Variants in GLRA3 observed in about 807,000 individuals in gnomAD.
The protein encoded by GLRA3 is glycine receptor alpha 3, also known as glycine receptor subunit alpha-3.
A neutral mutation model predicts 60.4 loss-of-function variants in GLRA3; 44 were observed. The observed-to-expected ratio is 0.73, with a 90% CI of 0.57 to 0.94. GLRA3 has a LOEUF of 0.94. GLRA3 is among the 40% of genes least tolerant of loss of function. The probability of loss-of-function intolerance (pLI) is 0.00; values close to 1 mark genes in which losing one functional copy is unlikely to be tolerated. For missense variants in GLRA3, 508 were observed against 564.6 expected (o/e 0.90, Z 1.02); for synonymous variants, 223 against 192.9 (o/e 1.16, Z -1.29).
intron 3 of GLRA3, among the ~76,000 whole-genome samples, chr4:174,759,180 A>C (rs1485649607): frequency 6.6e-6 from 1 of 152,130 alleles, no homozygotes; most frequent in Non-Finnish European, 1.5e-5. Flanking sequence ...GTGTGTAAGT[A>C]CTGACAGGAA....
intron 7 of GLRA3, among the ~76,000 whole-genome samples, chr4:174,674,965 A>G (rs905907847): frequency 1.5e-4 from 23 of 152,158 alleles, no homozygotes; most frequent in Admixed American, 7.9e-4. Context: ...GTCTCATCCA[A>G]TAGATTAATT....
At chr4:174,685,027 A>C (rs1324399342) in intron 5 of GLRA3, among the ~76,000 whole-genome samples, 2 of 151,890 alleles carry the variant, frequency 1.3e-5, no homozygotes, top group African/African-American at 4.8e-5. Context: ...AACAAAACAA[A>C]GCAAAAAAAA....
intron 5 of GLRA3, among the ~76,000 whole-genome samples, chr4:174,711,444 T>C (rs951493601): frequency 1.9e-5 from 2 of 107,194 alleles, no homozygotes; most frequent in African/African-American, 2.9e-5. Flanking sequence ...TATATATATA[T>C]ATTTTTTTTT....
At chr4:174,773,889 T>C (rs1484212906) in intron 2 of GLRA3, among the ~76,000 whole-genome samples, 1 of 152,084 alleles carries the variant, frequency 6.6e-6, no homozygotes, top group Admixed American at 6.6e-5. Flanking sequence ...CGTAGTAACC[T>C]AAGGCAGGAG....
rs146589036 is a variant in GLRA3, at chr4:174,760,898, C to T, written c.267+6065G>A. ...ATGAAAATGAAAAAAACCTTGTCTA[C>T]ATATACAAGCATGGAGTATCTCAAA... On this transcript the variant is annotated intron_variant, in intron 3 of 9. Coordinates refer to ENST00000274093, the MANE Select transcript of GLRA3 (RefSeq NM_006529.4). 5.5e-3 allele frequency among the ~76,000 whole-genome samples: 844 copies of T among 152,202 alleles called. 5 individuals carry two copies. Among genetic ancestry groups the T allele is most frequent in the African/African-American group, 0.018 (767 of 41,526 alleles).
chr4:174,648,829 G>A (rs1387562355), intron 9 of GLRA3, among the ~76,000 whole-genome samples: 1 of 152,110 alleles, frequency 6.6e-6, no homozygotes, highest in Non-Finnish European at 1.5e-5. Flanking sequence ...CTCTCTTTAG[G>A]TGGCTGTTAA....
Position 174,705,939 on chromosome 4 carries a change from G to A in GLRA3, c.574+9549C>T, listed in dbSNP as rs547923433. ...ATAAATTTATAATTTAATGGGATAG[G>A]AAGCAACTGGGGAGAAGAGAGCTAA... On this transcript the variant is annotated intron_variant, in intron 5 of 9. Transcript: ENST00000274093. Among the ~76,000 whole-genome samples the A allele has an allele frequency of 9.2e-5, 14 of 152,200 alleles. No individual in the cohort carries two copies. The South Asian group carries it at 2.9e-3, about 32-fold the overall frequency.
At chr4:174,717,052 A>G (rs1735947673) in intron 4 of GLRA3, among the ~76,000 whole-genome samples, 1 of 150,676 alleles carries the variant, frequency 6.6e-6, no homozygotes, top group Non-Finnish European at 1.5e-5. Context: ...ATATATATAT[A>G]TATATTTTAA....
At chr4:174,755,732 T>C (rs970061814) in intron 3 of GLRA3, among the ~76,000 whole-genome samples, 2 of 151,980 alleles carry the variant, frequency 1.3e-5, no homozygotes, top group Non-Finnish European at 2.9e-5. Flanking sequence ...GATTAAGATA[T>C]AGAGAAAGCA....
intron 9 of GLRA3, among the ~76,000 whole-genome samples, chr4:174,655,197 CTATT>C (rs1733154212): frequency 1.3e-5 from 2 of 152,146 alleles, no homozygotes; most frequent in East Asian, 3.9e-4. Context: ...CATTTTGATT[CTATT>C]TATTTCAAAA....
intron 1 of GLRA3, among the ~76,000 whole-genome samples, chr4:174,819,517 C>T (rs770425370): frequency 6.6e-6 from 1 of 152,152 alleles, no homozygotes; most frequent in Non-Finnish European, 1.5e-5. Context: ...AATTCTATCA[C>T]CTGCTCAAGA....
At chr4:174,754,796 C>T (rs1289641662) in intron 3 of GLRA3, among the ~76,000 whole-genome samples, 1 of 152,022 alleles carries the variant, frequency 6.6e-6, no homozygotes, top group Non-Finnish European at 1.5e-5. Flanking sequence ...GAAATAGTTG[C>T]ACCCTAATAT....
chr4:174,797,270 A>G (rs945033980), intron 1 of GLRA3, among the ~76,000 whole-genome samples: 6 of 152,214 alleles, frequency 3.9e-5, no homozygotes, highest in African/African-American at 1.4e-4. Flanking sequence ...ATAGCAAGTT[A>G]CTAAGATTGT....
chr4:174,696,274 C>T (rs1175598828), intron 5 of GLRA3, among the ~76,000 whole-genome samples: 1 of 151,582 alleles, frequency 6.6e-6, no homozygotes, highest in Non-Finnish European at 1.5e-5. Flanking sequence ...AAAATATAAA[C>T]ATAATTTGTG....
chr4:174,682,114 T>C (rs575169126), intron 6 of GLRA3, among the ~76,000 whole-genome samples: 18 of 151,982 alleles, frequency 1.2e-4, no homozygotes, highest in Non-Finnish European at 2.2e-4. Context: ...CACAATGGAG[T>C]GATGCCTCAA....
At chr4:174,795,548 C>T (rs1445567461) in intron 1 of GLRA3, among the ~76,000 whole-genome samples, 1 of 151,960 alleles carries the variant, frequency 6.6e-6, no homozygotes, top group Non-Finnish European at 1.5e-5. Flanking sequence ...TTTTAAAGTA[C>T]AATACACAAA....
intron 1 of GLRA3, among the ~76,000 whole-genome samples, chr4:174,792,297 G>A (rs147867441): frequency 6.6e-6 from 1 of 151,942 alleles, no homozygotes; most frequent in Non-Finnish European, 1.5e-5. Flanking sequence ...GGTTTCCTCC[G>A]AGGCCCTCCC....
chr4:174,824,848 G>T (rs139065273), intron 1 of GLRA3, among the ~76,000 whole-genome samples: 1 of 152,166 alleles, frequency 6.6e-6, no homozygotes, highest in Non-Finnish European at 1.5e-5. Context: ...GTTGCTAAAT[G>T]GAAAAGGTGA....
chr4:174,692,967 T>C (rs1054436629), intron 5 of GLRA3, among the ~76,000 whole-genome samples: 4 of 150,410 alleles, frequency 2.7e-5, no homozygotes, highest in African/African-American at 9.7e-5. Flanking sequence ...AAAAGAAAAG[T>C]GTCTGTTTAT....
Sources: gnomAD v4.1 joint callset for allele counts (sites outside exome capture counted in the v4.1 genomes callset) on GRCh38, gnomAD v4.1.1 for gene constraint, MANE v1.5 for transcripts, NCBI Gene and HGNC (gene_info 2026-07-23, HGNC 2026-07-21) for gene names.